TCP11: variants seen among roughly 807,000 people sequenced by gnomAD.
The protein encoded by TCP11 is T-complex protein 11 homolog.
In TCP11, 34 loss-of-function variants were observed where a neutral mutation model predicts 45.0. The observed-to-expected ratio is 0.76, with a 90% CI of 0.57 to 1.01. The LOEUF (loss-of-function observed/expected upper bound fraction) is 1.01. TCP11 is among the 50% of genes least tolerant of loss of function. The pLI is 0.00. For synonymous variants in TCP11, 227 were observed against 227.0 expected, an observed-to-expected ratio of 1.00 and a Z score of 0.00; for missense variants, 523 against 598.1, an observed-to-expected ratio of 0.87 and a Z score of 1.31.
chr6:35,141,303 G>T lies in TCP11; in HGVS notation c.-113C>A. 1 of 1,285,484 alleles carries T rather than the reference G, an allele frequency of 7.8e-7. No individual in the cohort carries two copies. The highest frequency in any genetic ancestry group is 2.3e-5 in the South Asian group (1 of 43,628). 79.6% of individuals were successfully genotyped at this position (1,285,484 alleles called of 1,614,324 possible). A position where few individuals can be genotyped will look rare whatever the true frequency, so the allele number is the denominator to read the frequency against. Reference sequence around the variant, plus strand: ...ACCACCGCGGCGGAGCGGCGGGTTGGGGCGTCGCACGGTGAGAAAGGCCGG... The same window carrying T: ...ACCACCGCGGCGGAGCGGCGGGTTGTGGCGTCGCACGGTGAGAAAGGCCGG... On this transcript the variant is annotated 5_prime_UTR_variant, in exon 1 of 10. Transcript: ENST00000311875.
intron 2 of TCP11, 69 bp downstream of exon 2, chr6:35,140,676 TGG>T: frequency 1.3e-6 from 1 of 759,962 alleles, no homozygotes; most frequent in Non-Finnish European, 2.3e-6. Flanking sequence ...ACTTGGGGGA[TGG>T]GGGGGCCTGC....
chr6:35,140,293 C>T, intron 2 of TCP11: 1 of 1,232,688 alleles, frequency 8.1e-7, no homozygotes, highest in African/African-American at 1.5e-5. Flanking sequence ...GCGGAGAAGA[C>T]CTTGTGCCCC....
chr6:35,132,112 C>T (rs1413005687), intron 3 of TCP11, among the ~76,000 whole-genome samples: 1 of 152,264 alleles, frequency 6.6e-6, no homozygotes, highest in Non-Finnish European at 1.5e-5. Flanking sequence ...TTATATCATA[C>T]TGCTCTGGCC....
At position 35,122,168 on chromosome 6, in the gene TCP11, T is replaced by A; in HGVS notation, c.527A>T (p.Asp176Val). ...GTTTTCTAGTTTCTGCACTGCTTCA[T>A]CTCGAACTGGTGCACACAGCAAAGC... is the stretch of plus-strand genomic sequence containing the variant. The part of the protein sequence containing the change: ...MMALLCAPVR[D>V]EAVQKLENIT... The change falls in exon 5 of 10, where the codon GAT becomes GTT. Residue 176 changes from aspartate to valine, a missense_variant. Coordinates refer to ENST00000311875, the MANE Select transcript of TCP11 (RefSeq NM_001370687.1). 1 of 1,614,174 alleles carries A rather than the reference T, an allele frequency of 6.2e-7. No individual in the cohort carries two copies. The highest frequency in any genetic ancestry group is 8.5e-7 in the Non-Finnish European group (1 of 1,180,028).
rs1781057437 is a variant in TCP11, at chr6:35,136,131, T to C, written c.212A>G (p.Glu71Gly). ...CCTGCTTGGAGGTAAAACCTTCTCTTCCATGTAGTAATCACAATTCATCCC... is the reference window on the plus strand; with the variant it reads ...CCTGCTTGGAGGTAAAACCTTCTCTCCCATGTAGTAATCACAATTCATCCC... ...KIGMNCDYYMEEKVLPPSSLE... is the reference protein window; with the variant it reads ...KIGMNCDYYMGEKVLPPSSLE... Residue 71 changes from glutamate to glycine, a missense_variant, in exon 3 of 10, where the codon GAA (glutamate) becomes GGA (glycine). By Grantham distance (98) the Glu-to-Gly change is moderately conservative. Around this residue, in one of 2 missense-constraint regions of TCP11, gnomAD observed 225 missense variants for 210.2 expected, o/e 1.07. Transcript: ENST00000311875. The C allele has an allele frequency of 1.9e-6, 3 of 1,613,780 alleles. No homozygotes were observed. In the East Asian group the frequency reaches 6.7e-5, roughly 36 times the overall value.
chr6:35,139,210 A>AC (rs1423190048), intron 2 of TCP11, among the ~76,000 whole-genome samples: 2 of 151,944 alleles, frequency 1.3e-5, no homozygotes, highest in African/African-American at 4.8e-5. Context: ...ATAAAAAAAA[A>AC]AAAACCCATC....
rs557693242 is a variant in TCP11 at position 35,121,058 on chromosome 6, G to T, written c.579-13C>A. ...CTGGAAGATCCCTCTGACACAGGGG[G>T]AAAGAGAATATTTATACTACTAAGC... On this transcript the variant is annotated splice_polypyrimidine_tract_variant and intron_variant, in intron 5 of 9. Coordinates refer to ENST00000311875, the MANE Select transcript of TCP11 (RefSeq NM_001370687.1). The T allele has an allele frequency of 5.0e-6, 8 of 1,593,642 alleles. No individual in the cohort carries two copies. Among genetic ancestry groups the T allele is most frequent in the East Asian group, 2.2e-5 (1 of 44,684 alleles).
intron 5 of TCP11, among the ~76,000 whole-genome samples, chr6:35,121,752 G>A (rs1779275035): frequency 6.6e-6 from 1 of 151,470 alleles, no homozygotes; most frequent in Non-Finnish European, 1.5e-5. Flanking sequence ...GGCACAGGTT[G>A]CAGTGAGCTG....
intron 9 of TCP11, 59 bp from the exon 10 acceptor site, chr6:35,118,560 T>TC (rs1278490731): frequency 6.7e-7 from 1 of 1,489,612 alleles, no homozygotes. Flanking sequence ...GGGAGAAAAT[T>TC]CCCCCTGCAC....
intron 3 of TCP11, among the ~76,000 whole-genome samples, chr6:35,133,563 G>A (rs558518785): frequency 4.6e-5 from 7 of 151,866 alleles, no homozygotes; most frequent in South Asian, 2.1e-4. Flanking sequence ...AGGCCAAGGC[G>A]GGTGGATCAC....
At chr6:35,133,968 G>A (rs2127678050) in intron 3 of TCP11, among the ~76,000 whole-genome samples, 1 of 152,192 alleles carries the variant, frequency 6.6e-6, no homozygotes, top group East Asian at 1.9e-4. Context: ...ACAGTGTTCA[G>A]ATTTTGATAA....
At chr6:35,126,446 T>G (rs939113505) in intron 4 of TCP11, among the ~76,000 whole-genome samples, 2 of 152,164 alleles carry the variant, frequency 1.3e-5, no homozygotes, top group African/African-American at 4.8e-5. Context: ...CTCAAGGAAC[T>G]CATTTCACAG....
intron 3 of TCP11, among the ~76,000 whole-genome samples, chr6:35,131,294 G>A (rs754707573): frequency 3.4e-4 from 51 of 150,900 alleles, no homozygotes; most frequent in African/African-American, 6.6e-4. Flanking sequence ...AAGGCCGGGC[G>A]CGGTGGCTCA....
In TCP11 at chr6:35,122,330, AGC is replaced by A; in HGVS notation, c.363_364del (p.Leu121PhefsTer14). ...GTTCTGGCGTGGTAATAGCAGTGAT[AGC>A]AAGATCTGCCCAGGAAAGAAAGTCA... On this transcript the variant is annotated frameshift_variant, in exon 5 of 10. Coordinates refer to ENST00000311875, the MANE Select transcript of TCP11 (RefSeq NM_001370687.1). LOFTEE classifies it high-confidence loss of function. 3 of 1,614,176 alleles carry A rather than the reference AGC, an allele frequency of 1.9e-6. No individual in the cohort carries two copies. The highest frequency in any genetic ancestry group is 2.5e-6 in the Non-Finnish European group (3 of 1,180,018).
rs140505237 is a variant in TCP11 at position 35,120,325 on chromosome 6, T to C, written c.949A>G (p.Arg317Gly). 13 of 1,613,820 alleles carry C rather than the reference T, an allele frequency of 8.1e-6. No homozygotes were observed. The highest frequency in any genetic ancestry group is 1.3e-5 in the African/African-American group (1 of 74,946). The part of the protein sequence containing the change: ...EEFPETLLMD[R>G]TRLQELKSQL... ...GACTTCAGCTCCTGCAGCCGGGTTC[T>C]GTCCATCAGCAGGGTCTGGGAACCA... Residue 317 changes from arginine (R) to glycine (G), a missense_variant, in exon 8 of 10, where the codon AGA becomes GGA. Arg to Gly is a moderately radical substitution (Grantham distance 125, BLOSUM62 -2). Coordinates refer to ENST00000311875, the MANE Select transcript of TCP11 (RefSeq NM_001370687.1). This position sits in a 1 kb window ranked among gnomAD's most constrained non-coding sequence, Gnocchi z 4.9.
intron 9 of TCP11, 124 bp downstream of exon 9, chr6:35,119,103 GA>G (rs34094392): frequency 1.6e-6 from 2 of 1,286,040 alleles, no homozygotes; most frequent in African/African-American, 1.5e-5. Flanking sequence ...CCAGCATTTT[GA>G]AAAAAATCAA....
At chr6:35,127,605 T>C (rs1353358332) in intron 4 of TCP11, among the ~76,000 whole-genome samples, 1 of 152,254 alleles carries the variant, frequency 6.6e-6, no homozygotes. Context: ...TATGCCAACA[T>C]TTTGTTCTTC....
Position 35,136,198 on chromosome 6 carries a change from T to A in TCP11, c.145A>T (p.Thr49Ser), listed in dbSNP as rs754716204. 20 of 1,613,174 alleles carry A rather than the reference T, an allele frequency of 1.2e-5. No individual in the cohort carries two copies. The highest frequency in any genetic ancestry group is 1.7e-5 in the Admixed American group (1 of 59,906). Residue 49 changes from threonine to serine, a missense_variant, in exon 3 of 10, where the codon ACA becomes TCA. Transcript: ENST00000311875. ...PPPFLSVTGL[T>S]ETVNEVSKLS... ...TTGGAAACTTCATTAACGGTTTCTG[T>A]CAGACCTGTGACAGAAAGAACTGAT...
At chr6:35,130,245 A>C (rs1316377269) in intron 3 of TCP11, among the ~76,000 whole-genome samples, 1 of 152,212 alleles carries the variant, frequency 6.6e-6, no homozygotes, top group Non-Finnish European at 1.5e-5. Context: ...AAAACTGTAA[A>C]ACTTGTAGAA....
Sources: gnomAD v4.1 joint callset for allele counts (sites outside exome capture counted in the v4.1 genomes callset) on GRCh38, gnomAD v4.1.1 for gene constraint, gnomAD v4.1.1 regional missense constraint, Gnocchi (gnomAD v3.1) non-coding constraint, MANE v1.5 for transcripts, NCBI Gene and HGNC (gene_info 2026-07-23, HGNC 2026-07-21) for gene names.